Variants in ARPIN observed in about 807,000 individuals in gnomAD.
The protein encoded by ARPIN is UPF0552 protein C15orf38.
Under a neutral mutation model 25.9 loss-of-function variants are expected in ARPIN, and 23 were observed. The ratio of observed to expected loss-of-function variants is 0.89; its 90% CI spans 0.64 to 1.26. The LOEUF is 1.26. ARPIN is among the 50% of genes most tolerant of loss of function. The pLI is 0.00. For missense variants in ARPIN, 333 were observed against 312.2 expected, an observed-to-expected ratio of 1.07 and a Z score of -0.50; for synonymous variants, 126 against 131.4, an observed-to-expected ratio of 0.96 and a Z score of 0.28.
chr15:89,896,607 T>G lies in ARPIN; in HGVS notation c.*5188A>C, dbSNP rs1896934701. On this transcript the variant is annotated 3_prime_UTR_variant, in exon 6 of 6. Transcript: ENST00000357484. The stretch of plus-strand genomic sequence containing the variant: ...TCAACAGATATATAAAGTTTTTTTA[T>G]AAAAAGAATTATTTAATGGAAAAAT... 1 of 152,160 alleles carries G rather than the reference T, an allele frequency of 6.6e-6. No individual in the cohort carries two copies. The highest frequency in any genetic ancestry group is 2.4e-5 in the African/African-American group (1 of 41,450). The allele number at this position is 152,160 out of a possible 1,614,324, so 9.4% of individuals were successfully genotyped here.
At position 89,903,303 on chromosome 15, in the gene ARPIN, C is replaced by T. The variant is rs200808324; in HGVS notation, c.585G>A (p.Trp195Ter). 1.9e-6 allele frequency: 3 copies of T among 1,614,230 alleles called. No individual in the cohort carries two copies. Among genetic ancestry groups the T allele is most frequent in the Middle Eastern group, 1.6e-4 (1 of 6,062 alleles). Reference sequence around the variant, plus strand: ...ACTTTTGGGCCATGATGTTGTCTGTCCAGGATGCCCCTGTCTTTCCATCAC... The same window carrying T: ...ACTTTTGGGCCATGATGTTGTCTGTTCAGGATGCCCCTGTCTTTCCATCAC... ...FTGDGKTGASWTDNIMAQKCS... is the reference protein window; with the variant it reads ...FTGDGKTGAS The change falls in exon 5 of 6, where the codon TGG becomes TGA. Residue 195 changes from tryptophan (W) to a stop codon, truncating the protein, a stop_gained. Transcript: ENST00000357484. LOFTEE classifies it high-confidence loss of function.
At position 89,908,245 on chromosome 15, in the gene ARPIN, C is replaced by T. The variant is rs781590846; in HGVS notation, c.301+35G>A. On this transcript the variant is annotated intron_variant, in intron 3 of 5. Coordinates refer to ENST00000357484, the MANE Select transcript of ARPIN (RefSeq NM_182616.4). ...GAAAGGCCGCCACACTGCAGGAGGGCCCTGAGGGAGAGAGGGAGGGCAGAG... is the reference window on the plus strand; with the variant it reads ...GAAAGGCCGCCACACTGCAGGAGGGTCCTGAGGGAGAGAGGGAGGGCAGAG... 14 of 1,612,586 alleles carry T rather than the reference C, an allele frequency of 8.7e-6. No individual in the cohort carries two copies. The South Asian group carries it at 1.4e-4, about 16-fold the overall frequency.
At chr15:89,908,198 A>AG in intron 3 of ARPIN, 82 bp downstream of exon 3, 1 of 1,577,856 alleles carries the variant, frequency 6.3e-7, no homozygotes, top group Non-Finnish European at 8.6e-7. Flanking sequence ...GACACTTTCC[A>AG]GGGGCTAAGA....
chr15:89,912,155 G>A, intron 1 of ARPIN: 3 of 965,106 alleles, frequency 3.1e-6, no homozygotes, highest in Non-Finnish European at 3.7e-6. Flanking sequence ...CGCTTTTATA[G>A]GTTCCATATA....
chr15:89,908,182 T>A, intron 3 of ARPIN, 98 bp downstream of exon 3: 18 of 1,558,620 alleles, frequency 1.2e-5, no homozygotes, highest in Non-Finnish European at 1.5e-5. Context: ...TCAAGAGGGC[T>A]GAAGAGACAC....
At chr15:89,907,997 T>G (rs986688715) in intron 3 of ARPIN, among the ~76,000 whole-genome samples, 17 of 152,176 alleles carry the variant, frequency 1.1e-4, no homozygotes, top group Admixed American at 2.6e-4. Context: ...ACAAAGGCAG[T>G]TAGAGCCCAA....
rs774002777 is a variant in ARPIN at position 89,899,083 on chromosome 15, CTTT to C, written c.*2709_*2711del. The stretch of plus-strand genomic sequence containing the variant: ...TACCTGCTGAGCCTGGGACCCTATT[CTTT>C]TTTTTTTTTTTTTTTTTGAGACAGG... On this transcript the variant is annotated 3_prime_UTR_variant, in exon 6 of 6. Transcript: ENST00000357484. 7.7e-4 allele frequency: 92 copies of C among 119,372 alleles called. No individual in the cohort carries two copies. Among genetic ancestry groups the C allele is most frequent in the African/African-American group, 2.3e-3 (70 of 30,856 alleles). The allele number at this position is 119,372 out of a possible 1,614,324, so 7.4% of individuals were successfully genotyped here.
At position 89,898,444 on chromosome 15, in the gene ARPIN, G is replaced by A. The variant is rs1295573628; in HGVS notation, c.*3351C>T. The A allele has an allele frequency of 6.6e-6, 1 of 152,184 alleles. No individual in the cohort carries two copies. Among genetic ancestry groups the A allele is most frequent in the East Asian group, 1.9e-4 (1 of 5,192 alleles). The allele number at this position is 152,184 out of a possible 1,614,324, so 9.4% of individuals were successfully genotyped here. On this transcript the variant is annotated 3_prime_UTR_variant, in exon 6 of 6. Transcript: ENST00000357484. Reference sequence around the variant, plus strand: ...TGCTCCTCACAAAAACGGGTTCTCTGACCAAAGAAATGTGGGAAATACGTA... The same window carrying A: ...TGCTCCTCACAAAAACGGGTTCTCTAACCAAAGAAATGTGGGAAATACGTA...
In ARPIN at chr15:89,901,700, A is replaced by C. The variant is rs1897023747; in HGVS notation, c.*95T>G. The C allele has an allele frequency of 6.8e-7, 1 of 1,470,194 alleles. No individual in the cohort carries two copies. Among genetic ancestry groups the C allele is most frequent in the Non-Finnish European group, 9.5e-7 (1 of 1,054,758 alleles). The allele number at this position is 1,470,194 out of a possible 1,614,324, so 91.1% of individuals were successfully genotyped here. ...GGGGAAGAACCAGGTAAGACTTGGC[A>C]GACTGTTCTCTCCAGCTCCAGAGTA... is the stretch of plus-strand genomic sequence containing the variant. On this transcript the variant is annotated 3_prime_UTR_variant, in exon 6 of 6. Transcript: ENST00000357484.
At chr15:89,910,704 A>C (rs1452672025) in intron 2 of ARPIN, 40 bp downstream of exon 2, 1 of 1,613,202 alleles carries the variant, frequency 6.2e-7, no homozygotes, top group Non-Finnish European at 8.5e-7. Context: ...ATGACCGTGA[A>C]GTCAGTGCCC....
In ARPIN at chr15:89,903,216, C is replaced by T. The variant is rs774473042; in HGVS notation, c.672G>A (p.Trp224Ter). ...AACTGCACCAACACCAGGTACCTAC[C>T]CACTCCTCGTCCTCTGCCCCATCCC... Reference protein sequence around the residue: ...EQGDGAEDEEWDD With the variant: ...EQGDGAEDEE Residue 224 changes from tryptophan (W) to a stop codon, truncating the protein, a stop_gained and splice_region_variant, in exon 5 of 6, where the codon TGG becomes TGA. Coordinates refer to ENST00000357484, the MANE Select transcript of ARPIN (RefSeq NM_182616.4). LOFTEE classifies it high-confidence loss of function. The T allele has an allele frequency of 8.1e-6, 13 of 1,614,186 alleles. No homozygotes were observed. The highest frequency in any genetic ancestry group is 1.1e-5 in the Non-Finnish European group (13 of 1,180,032).
In ARPIN at chr15:89,898,823, G is replaced by A. The variant is rs1358461577; in HGVS notation, c.*2972C>T. ...AGCCACATGGGGGCCCCTGAAAGCAGGGTTTCAGCCCTGCTGTAGTTCCTC... is the reference window on the plus strand; with the variant it reads ...AGCCACATGGGGGCCCCTGAAAGCAAGGTTTCAGCCCTGCTGTAGTTCCTC... On this transcript the variant is annotated 3_prime_UTR_variant, in exon 6 of 6. Transcript: ENST00000357484. 3 of 152,246 alleles carry A rather than the reference G, an allele frequency of 2.0e-5. No homozygotes were observed. The highest frequency in any genetic ancestry group is 4.4e-5 in the Non-Finnish European group (3 of 68,090). The allele number at this position is 152,246 out of a possible 1,614,324, so 9.4% of individuals were successfully genotyped here. A position where few individuals can be genotyped will look rare whatever the true frequency, so the allele number is the denominator to read the frequency against.
chr15:89,903,599 G>C (rs779409984), intron 4 of ARPIN, among the ~76,000 whole-genome samples, 178 bp downstream of exon 4: 2 of 152,168 alleles, frequency 1.3e-5, no homozygotes, highest in Admixed American at 1.3e-4. Context: ...CCAGGCTGTC[G>C]AGCCCAATGG....
rs74034981 is a variant in ARPIN, at chr15:89,910,289, G to A, written c.168+455C>T. Among the ~76,000 whole-genome samples the A allele has an allele frequency of 5.3e-3, 799 of 152,168 alleles. 4 individuals are homozygous for A. Among genetic ancestry groups the A allele is most frequent in the African/African-American group, 0.016 (676 of 41,518 alleles). ...AGTGGAAAGTCGGAACTAGCGCTCC[G>A]AAAAAAGACACAGGCTAGTACTGGA... On this transcript the variant is annotated intron_variant, in intron 2 of 5. Coordinates refer to ENST00000357484, the MANE Select transcript of ARPIN (RefSeq NM_182616.4).
In ARPIN at chr15:89,896,145, T is replaced by C. The variant is rs1896927593; in HGVS notation, c.*5650A>G. The C allele has an allele frequency of 6.6e-6, 1 of 152,226 alleles. No homozygotes were observed. Among genetic ancestry groups the C allele is most frequent in the Non-Finnish European group, 1.5e-5 (1 of 68,056 alleles). The allele number at this position is 152,226 out of a possible 1,614,324, so 9.4% of individuals were successfully genotyped here. A position where few individuals can be genotyped will look rare whatever the true frequency, so the allele number is the denominator to read the frequency against. On this transcript the variant is annotated 3_prime_UTR_variant, in exon 6 of 6. Coordinates refer to ENST00000357484, the MANE Select transcript of ARPIN (RefSeq NM_182616.4). Reference sequence around the variant, plus strand: ...CTCAAGTGATTCACCCATCTCAGTCTCCCGAAGTGCTGGGATTACAGGCGT... The same window carrying C: ...CTCAAGTGATTCACCCATCTCAGTCCCCCGAAGTGCTGGGATTACAGGCGT...
At chr15:89,904,054 C>T in intron 3 of ARPIN, 71 bp from the exon 4 acceptor site, 5 of 1,513,758 alleles carry the variant, frequency 3.3e-6, no homozygotes, top group Non-Finnish European at 4.4e-6. Context: ...CTCTCAGGAG[C>T]CAGGTGAGGG....
Position 89,901,552 on chromosome 15 carries a change from A to T in ARPIN, c.*243T>A. 1.8e-6 allele frequency: 1 copy of T among 566,468 alleles called. No homozygotes were observed. Among genetic ancestry groups the T allele is most frequent in the Non-Finnish European group, 3.1e-6 (1 of 318,044 alleles). The allele number at this position is 566,468 out of a possible 1,614,324, so 35.1% of individuals were successfully genotyped here. A position where few individuals can be genotyped will look rare whatever the true frequency, so the allele number is the denominator to read the frequency against. On this transcript the variant is annotated 3_prime_UTR_variant, in exon 6 of 6. Transcript: ENST00000357484. ...AAGGGTCATCATGTAATGTCTAGGA[A>T]GGCTAGACTCACATGCAGGGAGGGG...
chr15:89,897,640 G>T lies in ARPIN; in HGVS notation c.*4155C>A, dbSNP rs964134728. ...CCAGTTTGTACCAGAAAACCCCTAT[G>T]CAAGTTTACAAAAACCAAAACTATG... On this transcript the variant is annotated 3_prime_UTR_variant, in exon 6 of 6. Coordinates refer to ENST00000357484, the MANE Select transcript of ARPIN (RefSeq NM_182616.4). The T allele has an allele frequency of 6.6e-6, 1 of 152,124 alleles. No homozygotes were observed. The highest frequency in any genetic ancestry group is 1.5e-5 in the Non-Finnish European group (1 of 68,034). The allele number at this position is 152,124 out of a possible 1,614,324, so 9.4% of individuals were successfully genotyped here.
chr15:89,903,116 T>C, intron 5 of ARPIN, 100 bp downstream of exon 5: 2 of 1,608,508 alleles, frequency 1.2e-6, no homozygotes, highest in Non-Finnish European at 8.5e-7. Flanking sequence ...AGCTGGGGGG[T>C]AAGATTCATC....
Sources: gnomAD v4.1 joint callset for allele counts (sites outside exome capture counted in the v4.1 genomes callset) on GRCh38, gnomAD v4.1.1 for gene constraint, MANE v1.5 for transcripts, NCBI Gene and HGNC (gene_info 2026-07-23, HGNC 2026-07-21) for gene names.